The following DSCAM variants were observed in gnomAD, a reference collection of about 807,000 sequenced individuals.
DSCAM encodes the protein DS cell adhesion molecule, also known as cell adhesion molecule DSCAM.
In DSCAM, 47 loss-of-function variants were observed where a neutral mutation model predicts 217.7. That is an observed-to-expected ratio of 0.22 (90% confidence interval 0.17 to 0.28). DSCAM has a LOEUF of 0.28. Among genes scored for constraint, DSCAM ranks in the 10% least tolerant of loss-of-function variants. The pLI is 1.00. For synonymous variants in DSCAM, 1,056 were observed against 1,015.3 expected, an observed-to-expected ratio of 1.04 and a Z score of -0.76; for missense variants, 2,080 against 2,618.3, an observed-to-expected ratio of 0.79 and a Z score of 4.49.
chr21:40,473,895 T>C (rs1236367640), intron 3 of DSCAM, among the ~76,000 whole-genome samples: 2 of 152,256 alleles, frequency 1.3e-5, no homozygotes, highest in East Asian at 3.9e-4. Flanking sequence ...GTCTTGGACT[T>C]AGAGCCTCCA....
At chr21:40,305,905 G>C (rs1253069227) in intron 9 of DSCAM, among the ~76,000 whole-genome samples, 2 of 152,126 alleles carry the variant, frequency 1.3e-5, no homozygotes, top group Non-Finnish European at 2.9e-5. Context: ...TTTTGGCTTA[G>C]GATTGACTTG....
At position 40,318,473 on chromosome 21, in the gene DSCAM, A is replaced by T. The variant is rs142819622; in HGVS notation, c.1784-6114T>A. 1.9e-3 allele frequency among the ~76,000 whole-genome samples: 296 copies of T among 152,246 alleles called. 4 individuals are homozygous for T. The highest frequency in any genetic ancestry group is 6.1e-3 in the African/African-American group (255 of 41,542). On this transcript the variant is annotated intron_variant, in intron 8 of 32. Transcript: ENST00000400454. ...GCCTAGGGGCCGAGGACTTCTAACT[A>T]CTGTGCCAACTCTCCCCTCTGCTGG...
intron 21 of DSCAM, among the ~76,000 whole-genome samples, chr21:40,089,017 C>T (rs565385030): frequency 3.2e-4 from 49 of 152,258 alleles, no homozygotes; most frequent in Non-Finnish European, 6.9e-4. Context: ...GACTCTGTTC[C>T]ACTCTATTCC....
At chr21:40,122,927 T>A (rs959079941) in intron 20 of DSCAM, among the ~76,000 whole-genome samples, 1 of 152,184 alleles carries the variant, frequency 6.6e-6, no homozygotes, top group Non-Finnish European at 1.5e-5. Flanking sequence ...GATTAAAAGA[T>A]TAATCCATAA....
chr21:40,177,483 C>T (rs1358675173), intron 15 of DSCAM, among the ~76,000 whole-genome samples: 4 of 152,156 alleles, frequency 2.6e-5, no homozygotes, highest in Non-Finnish European at 5.9e-5. Flanking sequence ...ATGGGCATTC[C>T]TCTGCAGTTC....
chr21:40,018,963 G>C (rs1402128026), intron 32 of DSCAM, among the ~76,000 whole-genome samples: 1 of 152,208 alleles, frequency 6.6e-6, no homozygotes, highest in Non-Finnish European at 1.5e-5. Flanking sequence ...TGTATTTTCT[G>C]ATTAGCGTCC....
intron 1 of DSCAM, among the ~76,000 whole-genome samples, chr21:40,709,301 T>G (rs1207034601): frequency 6.6e-6 from 1 of 152,216 alleles, no homozygotes; most frequent in East Asian, 1.9e-4. Context: ...GCAATGAAAT[T>G]TGCCACATTT....
In DSCAM at chr21:40,188,723, T is replaced by G. The variant is rs879510674; in HGVS notation, c.2553+319A>C. ...TTTCTTTTTGCAGGAAGTTAAAACA[T>G]GCACACAGCATAGGCCATCATTCCT... On this transcript the variant is annotated intron_variant, in intron 12 of 32. Coordinates refer to ENST00000400454, the MANE Select transcript of DSCAM (RefSeq NM_001389.5). 5.3e-5 allele frequency among the ~76,000 whole-genome samples: 8 copies of G among 152,228 alleles called. No individual in the cohort carries two copies. In the East Asian group the frequency reaches 1.3e-3, roughly 26 times the overall value.
At chr21:40,763,341 C>A (rs1474277292) in intron 1 of DSCAM, among the ~76,000 whole-genome samples, 1 of 152,110 alleles carries the variant, frequency 6.6e-6, no homozygotes, top group African/African-American at 2.4e-5. Flanking sequence ...CTCCCATTCA[C>A]AATTGCTACA....
intron 32 of DSCAM, among the ~76,000 whole-genome samples, chr21:40,017,084 C>G (rs1020529011): frequency 2.6e-5 from 3 of 117,328 alleles, no homozygotes; most frequent in Non-Finnish European, 5.3e-5. Context: ...TCCTGGGCAA[C>G]AAGGATGAAA....
At chr21:40,249,177 T>A (rs1179227125) in intron 11 of DSCAM, among the ~76,000 whole-genome samples, 1 of 152,176 alleles carries the variant, frequency 6.6e-6, no homozygotes, top group Non-Finnish European at 1.5e-5. Flanking sequence ...GTTATGCAAA[T>A]TGCAGTATTG....
chr21:40,056,846 C>A (rs904780130), intron 28 of DSCAM, among the ~76,000 whole-genome samples: 1 of 152,058 alleles, frequency 6.6e-6, no homozygotes, highest in African/African-American at 2.4e-5. Flanking sequence ...TAGTGGAGAC[C>A]AAAATAGGAA....
chr21:40,530,129 C>A (rs1001091582), intron 3 of DSCAM, among the ~76,000 whole-genome samples: 1 of 152,180 alleles, frequency 6.6e-6, no homozygotes, highest in Non-Finnish European at 1.5e-5. Flanking sequence ...CCAGAAGTGA[C>A]TTGTCCAAAC....
intron 20 of DSCAM, among the ~76,000 whole-genome samples, chr21:40,121,681 CTTTTTTTTTTTT>C (rs201672838): frequency 0.17 from 12,476 of 74,026 alleles, 1,161 homozygotes; most frequent in East Asian, 0.41. Context: ...TCATTACTGT[CTTTTTTTTTTTT>C]TTTTTTTTTT....
At chr21:40,449,919 C>T (rs138957238) in intron 3 of DSCAM, among the ~76,000 whole-genome samples, 13 of 152,232 alleles carry the variant, frequency 8.5e-5, no homozygotes, top group East Asian at 1.9e-4. Context: ...ATCCACAATA[C>T]ATAAGCCAAT....
intron 11 of DSCAM, among the ~76,000 whole-genome samples, chr21:40,243,125 T>C: frequency 6.6e-6 from 1 of 152,216 alleles, no homozygotes. Context: ...TGGGATTCTG[T>C]TACAGTGAAT....
chr21:40,793,742 C>T (rs749294554), intron 1 of DSCAM, among the ~76,000 whole-genome samples: 33 of 152,234 alleles, frequency 2.2e-4, no homozygotes, highest in Non-Finnish European at 1.6e-4. Context: ...TCACCTGCCT[C>T]GGCCTCCCAA....
intron 3 of DSCAM, among the ~76,000 whole-genome samples, chr21:40,575,361 T>G (rs2076841219): frequency 6.6e-6 from 1 of 152,158 alleles, no homozygotes; most frequent in Non-Finnish European, 1.5e-5. Flanking sequence ...AAAGCTTTAT[T>G]GCTCACACAA....
At chr21:40,392,109 G>A (rs185181098) in intron 3 of DSCAM, among the ~76,000 whole-genome samples, 13 of 152,118 alleles carry the variant, frequency 8.5e-5, no homozygotes, top group South Asian at 4.1e-4. Context: ...ACATATCCTC[G>A]TCTGGCATCC....
Sources: allele counts gnomAD v4.1 joint callset (sites outside exome capture counted in the v4.1 genomes callset), GRCh38; gene constraint gnomAD v4.1.1; transcripts MANE v1.5; gene names NCBI Gene and HGNC (gene_info 2026-07-23, HGNC 2026-07-21).